The following ROBO2 variants were observed in gnomAD, a reference collection of about 807,000 sequenced individuals.
ROBO2 encodes the protein roundabout homolog 2.
ROBO2 carries 53 observed loss-of-function variants against 160.8 expected under a neutral mutation model. That is an observed-to-expected ratio of 0.33 (90% CI 0.26 to 0.41). ROBO2 has a LOEUF of 0.41. ROBO2 is among the 10% of genes least tolerant of loss of function. ROBO2 has a pLI of 1.00. For synonymous variants in ROBO2, 664 were observed against 611.7 expected (o/e 1.09, Z -1.26); for missense variants, 1,577 against 1,722.4 (o/e 0.92, Z 1.49).
intron 2 of ROBO2, among the ~76,000 whole-genome samples, chr3:77,349,092 T>C (rs1398615878): frequency 1.3e-5 from 2 of 152,126 alleles, no homozygotes; most frequent in Admixed American, 1.3e-4. Context: ...TGAGAAGGTA[T>C]TTTTGTCTGC....
chr3:76,219,178 A>T (rs1401007830), intron 2 of ROBO2, among the ~76,000 whole-genome samples: 1 of 152,214 alleles, frequency 6.6e-6, no homozygotes, highest in African/African-American at 2.4e-5. Context: ...TGGATTAAAG[A>T]CTTACATGTT....
chr3:76,902,696 A>G (rs1468335947), intron 2 of ROBO2, among the ~76,000 whole-genome samples: 3 of 151,158 alleles, frequency 2.0e-5, no homozygotes, highest in Admixed American at 1.3e-4. Context: ...GCAAGAGTAA[A>G]GCTGCTGATT....
At chr3:77,022,929 C>G (rs4519739) in intron 2 of ROBO2, among the ~76,000 whole-genome samples, 2 of 152,168 alleles carry the variant, frequency 1.3e-5, no homozygotes, top group Non-Finnish European at 2.9e-5. Context: ...AACCCTGTAT[C>G]TATTAAACAA....
intron 2 of ROBO2, among the ~76,000 whole-genome samples, chr3:77,027,061 C>T (rs1315217487): frequency 1.3e-5 from 2 of 152,160 alleles, no homozygotes; most frequent in African/African-American, 4.8e-5. Context: ...AACTAAATTA[C>T]ATCAGCAGTG....
chr3:76,116,122 C>T (rs2070459661), intron 2 of ROBO2, among the ~76,000 whole-genome samples: 1 of 152,160 alleles, frequency 6.6e-6, no homozygotes, highest in South Asian at 2.1e-4. Flanking sequence ...AAAATCCTGA[C>T]TCTTCCCCTC....
chr3:76,297,294 G>T (rs573494430), intron 2 of ROBO2, among the ~76,000 whole-genome samples: 1 of 152,262 alleles, frequency 6.6e-6, no homozygotes, highest in East Asian at 1.9e-4. Flanking sequence ...GTCTAAAGAA[G>T]AGTTAACACA....
At chr3:77,497,264 T>C (rs1459057577) in intron 5 of ROBO2, among the ~76,000 whole-genome samples, 1 of 152,110 alleles carries the variant, frequency 6.6e-6, no homozygotes, top group East Asian at 1.9e-4. Context: ...TCAATACATA[T>C]GTGTTAGGGA....
chr3:76,360,811 C>T (rs1298905761), intron 2 of ROBO2, among the ~76,000 whole-genome samples: 3 of 151,992 alleles, frequency 2.0e-5, no homozygotes, highest in Non-Finnish European at 2.9e-5. Flanking sequence ...TGGCCTCTCC[C>T]CTTTCTCCTG....
At chr3:77,041,118 C>A (rs538898689) in intron 1 of ROBO2, among the ~76,000 whole-genome samples, 1 of 152,274 alleles carries the variant, frequency 6.6e-6, no homozygotes, top group East Asian at 1.9e-4. Context: ...TGATTGGGCT[C>A]CCAGTTTTGT....
chr3:77,113,344 C>A (rs55991529), intron 2 of ROBO2, among the ~76,000 whole-genome samples: 8,376 of 152,256 alleles, frequency 0.055, 317 homozygotes, highest in Middle Eastern at 0.1. Context: ...AGCAGCTTCT[C>A]TCAAAAGCCT....
intron 2 of ROBO2, among the ~76,000 whole-genome samples, chr3:77,301,952 G>T (rs546620440): frequency 6.6e-6 from 1 of 151,532 alleles, no homozygotes; most frequent in Admixed American, 6.6e-5. Context: ...ACCCAGAGTG[G>T]AGTGCAGTGG....
At chr3:76,009,293 C>A (rs538941668) in intron 2 of ROBO2, among the ~76,000 whole-genome samples, 2 of 152,180 alleles carry the variant, frequency 1.3e-5, no homozygotes, top group Admixed American at 1.3e-4. Context: ...TTAGTAGAGA[C>A]GGGGTTTCAC....
At chr3:77,121,068 C>T (rs553085241) in intron 2 of ROBO2, among the ~76,000 whole-genome samples, 1 of 152,108 alleles carries the variant, frequency 6.6e-6, no homozygotes, top group East Asian at 1.9e-4. Flanking sequence ...CCTCAGCCTC[C>T]CAAGCAGCTG....
At chr3:77,363,686 T>C (rs1399477346) in intron 2 of ROBO2, among the ~76,000 whole-genome samples, 1 of 152,160 alleles carries the variant, frequency 6.6e-6, no homozygotes, top group African/African-American at 2.4e-5. Context: ...CACTTCTTGG[T>C]CTCTCTGTGT....
intron 2 of ROBO2, among the ~76,000 whole-genome samples, chr3:76,886,815 T>G (rs2073930007): frequency 6.6e-6 from 1 of 152,162 alleles, no homozygotes; most frequent in Admixed American, 6.5e-5. Flanking sequence ...AGACTAAGTC[T>G]GAGCTATTTG....
At chr3:76,738,766 A>T (rs1461069327) in intron 2 of ROBO2, among the ~76,000 whole-genome samples, 2 of 152,220 alleles carry the variant, frequency 1.3e-5, no homozygotes, top group Non-Finnish European at 2.9e-5. Context: ...AAGGAAAAGA[A>T]ATAGTGCAAA....
At chr3:76,767,096 A>G (rs2061614810) in intron 2 of ROBO2, among the ~76,000 whole-genome samples, 1 of 151,532 alleles carries the variant, frequency 6.6e-6, no homozygotes. Flanking sequence ...GAAGTGCTTA[A>G]AAACACCTAA....
intron 2 of ROBO2, among the ~76,000 whole-genome samples, chr3:76,269,428 T>A (rs1707292179): frequency 6.6e-6 from 1 of 152,196 alleles, no homozygotes; most frequent in East Asian, 1.9e-4. Flanking sequence ...ACTTTTTCCT[T>A]CTGAATGTTC....
At chr3:76,207,360 C>A (rs1425279508) in intron 2 of ROBO2, among the ~76,000 whole-genome samples, 1 of 152,020 alleles carries the variant, frequency 6.6e-6, no homozygotes, top group Non-Finnish European at 1.5e-5. Context: ...CATAGTATGA[C>A]CTGGACAATC....
Sources: allele counts gnomAD v4.1 joint callset (sites outside exome capture counted in the v4.1 genomes callset), GRCh38; gene constraint gnomAD v4.1.1; transcripts MANE v1.5; gene names NCBI Gene and HGNC (gene_info 2026-07-23, HGNC 2026-07-21).